Variants in KLKB1 observed in about 807,000 individuals in gnomAD.
KLKB1 encodes the protein kallikrein B1, also known as plasma kallikrein.
KLKB1 carries 58 observed loss-of-function variants against 73.6 expected under a neutral mutation model. That is an observed-to-expected ratio of 0.79 (90% CI 0.64 to 0.98). The LOEUF (loss-of-function observed/expected upper bound fraction) is 0.98, where lower values mean the gene tolerates loss of function less well. Among genes scored for constraint, KLKB1 ranks in the 50% least tolerant of loss-of-function variants. The probability of loss-of-function intolerance (pLI) is 0.00; values close to 1 mark genes in which losing one functional copy is unlikely to be tolerated. For synonymous variants in KLKB1, 280 were observed against 258.1 expected (o/e 1.08, Z -0.81); for missense variants, 737 against 763.8 (o/e 0.96, Z 0.41).
intron 10 of KLKB1, 21 bp from the exon 11 acceptor site, chr4:186,251,996 G>A (rs1391644154): frequency 6.2e-7 from 1 of 1,614,192 alleles, no homozygotes; most frequent in South Asian, 1.1e-5. Flanking sequence ...CCAACCATTA[G>A]CGTCAACGCT....
At chr4:186,219,122 C>T (rs28797242) in intron 2 of KLKB1, among the ~76,000 whole-genome samples, 53,698 of 151,938 alleles carry the variant, frequency 0.35, 9,782 homozygotes, top group Non-Finnish European at 0.39. Flanking sequence ...TATCCTAGCC[C>T]GGCTGGCAGC....
At chr4:186,212,389 C>A (rs916600082) in intron 2 of KLKB1, 1 of 152,196 alleles carries the variant, frequency 6.6e-6, no homozygotes, top group Non-Finnish European at 1.5e-5. Context: ...CCTTATAGAT[C>A]ATACTTATGA....
At chr4:186,228,168 A>G in intron 1 of KLKB1, 27 bp from the exon 2 acceptor site, 2 of 1,277,840 alleles carry the variant, frequency 1.6e-6, no homozygotes, top group Non-Finnish European at 2.3e-6. Flanking sequence ...TAAAACCAGC[A>G]GAGTTATGTA....
chr4:186,245,434 A>G (rs1176006422), intron 6 of KLKB1, among the ~76,000 whole-genome samples: 1 of 152,194 alleles, frequency 6.6e-6, no homozygotes, highest in Non-Finnish European at 1.5e-5. Context: ...CCAGAGTTCC[A>G]GGGGCTCTGG....
In KLKB1 at chr4:186,251,753, A is replaced by G; in HGVS notation, c.1036A>G (p.Lys346Glu). Residue 346 changes from lysine (K) to glutamate (E), a missense_variant, in exon 10 of 15, where the codon AAG (lysine) becomes GAG (glutamate). Coordinates refer to ENST00000264690, the MANE Select transcript of KLKB1 (RefSeq NM_000892.5). ...LPEDCKEEKC[K>E]CFLRLSMDGS... ...TCTACTGTTCATTTCATCTAGGTGT[A>G]AGTGTTTCTTAAGATTATCTATGGA... 6.2e-7 allele frequency: 1 copy of G among 1,612,012 alleles called. No homozygotes were observed. The highest frequency in any genetic ancestry group is 8.5e-7 in the Non-Finnish European group (1 of 1,178,116).
chr4:186,238,388 T>G, intron 6 of KLKB1, 23 bp downstream of exon 6: 1 of 1,505,882 alleles, frequency 6.6e-7, no homozygotes, highest in Non-Finnish European at 9.2e-7. Flanking sequence ...CTACTTCACT[T>G]TGTGATTGTG....
chr4:186,254,573 ATT>A lies in KLKB1; in HGVS notation c.1314-11_1314-10del, dbSNP rs753316996. On this transcript the variant is annotated splice_polypyrimidine_tract_variant and intron_variant, in intron 11 of 14. Coordinates refer to ENST00000264690, the MANE Select transcript of KLKB1 (RefSeq NM_000892.5). ...ACTGCCCAGTTTCAAACAGGTATTT[ATT>A]TTTCTCTCCTAGGCTTCCCCTGCAG... 9 of 1,611,188 alleles carry A rather than the reference ATT, an allele frequency of 5.6e-6. No individual in the cohort carries two copies. In the East Asian group the frequency reaches 2.0e-4, roughly 36 times the overall value.
intron 4 of KLKB1, among the ~76,000 whole-genome samples, chr4:186,234,804 C>A (rs1188219695): frequency 6.6e-6 from 1 of 152,158 alleles, no homozygotes; most frequent in East Asian, 1.9e-4. Context: ...AAATTTAAGA[C>A]AAATGAACTA....
At chr4:186,226,158 CATGT>C (rs1217565267), upstream of KLKB1, among the ~76,000 whole-genome samples, 2 of 151,956 alleles carry the variant, frequency 1.3e-5, no homozygotes, top group Non-Finnish European at 2.9e-5. Flanking sequence ...TAATTTTGCT[CATGT>C]ATTGTTTTCC....
At chr4:186,232,084 T>G in intron 2 of KLKB1, 43 bp from the exon 3 acceptor site, 1 of 1,499,410 alleles carries the variant, frequency 6.7e-7, no homozygotes, top group Non-Finnish European at 9.1e-7. Context: ...ATTAAAATTA[T>G]TATATGAATT....
chr4:186,219,284 A>G (rs376239917), intron 2 of KLKB1, among the ~76,000 whole-genome samples: 48 of 152,242 alleles, frequency 3.2e-4, no homozygotes, highest in African/African-American at 1.1e-3. Flanking sequence ...AATATTAACC[A>G]TCACAAGTCC....
intron 2 of KLKB1, among the ~76,000 whole-genome samples, chr4:186,229,167 G>A (rs1315099714): frequency 6.6e-6 from 1 of 152,132 alleles, no homozygotes; most frequent in Non-Finnish European, 1.5e-5. Context: ...CAGAGACACT[G>A]GGAACCACAG....
At chr4:186,211,770 T>C (rs1736731658) in intron 2 of KLKB1, 1 of 151,978 alleles carries the variant, frequency 6.6e-6, no homozygotes, top group African/African-American at 2.4e-5. Flanking sequence ...ATTATATTAG[T>C]GGGACCAGTT....
intron 6 of KLKB1, among the ~76,000 whole-genome samples, chr4:186,239,596 TGTTATA>T (rs1326368720): frequency 3.9e-4 from 57 of 146,830 alleles, no homozygotes; most frequent in Non-Finnish European, 4.7e-4. Context: ...ACAGTGATAC[TGTTATA>T]GTTATAGGAA....
At chr4:186,234,158 T>A in intron 4 of KLKB1, 100 bp downstream of exon 4, 1 of 876,466 alleles carries the variant, frequency 1.1e-6, no homozygotes. Flanking sequence ...TTGGAAGGCA[T>A]CACTCATAAA....
At chr4:186,257,893 C>A in intron 14 of KLKB1, 128 bp from the exon 15 acceptor site, 1 of 905,854 alleles carries the variant, frequency 1.1e-6, no homozygotes, top group South Asian at 1.4e-5. Flanking sequence ...CCCATCTCTA[C>A]AAAAAAATAT....
At chr4:186,233,879 G>A (rs974609917) in intron 3 of KLKB1, 73 bp from the exon 4 acceptor site, 1 of 1,040,644 alleles carries the variant, frequency 9.6e-7, no homozygotes, top group South Asian at 1.3e-5. Flanking sequence ...TTGTTAGTGT[G>A]TAGAAAATGC....
chr4:186,235,413 A>C (rs552864810), intron 4 of KLKB1, among the ~76,000 whole-genome samples: 3 of 152,322 alleles, frequency 2.0e-5, no homozygotes, highest in Admixed American at 1.3e-4. Flanking sequence ...TTCTAGTCAA[A>C]AGCATTTAGA....
rs765543142 is a variant in KLKB1 at position 186,232,250 on chromosome 4, G to A, written c.182G>A (p.Ser61Asn). The change falls in exon 3 of 15, where the codon AGT becomes AAT. Residue 61 changes from serine (S) to asparagine (N), a missense_variant. Physicochemically the swap from Ser to Asn is conservative, Grantham distance 46. Coordinates refer to ENST00000264690, the MANE Select transcript of KLKB1 (RefSeq NM_000892.5). ...TTCCACCCAAGGTGTTTGCTATTCA[G>A]TTTTCTTCCAGCAAGTTCAATCAAT... ...CTFHPRCLLF[S>N]FLPASSINDM... 1.1e-5 allele frequency: 17 copies of A among 1,614,146 alleles called. No individual in the cohort carries two copies. Among genetic ancestry groups the A allele is most frequent in the Non-Finnish European group, 1.4e-5 (17 of 1,180,000 alleles).
Sources: allele counts gnomAD v4.1 joint callset (sites outside exome capture counted in the v4.1 genomes callset), GRCh38; gene constraint gnomAD v4.1.1; transcripts MANE v1.5; gene names NCBI Gene and HGNC (gene_info 2026-07-23, HGNC 2026-07-21).